Variants in NRXN3 observed in about 807,000 individuals in gnomAD.
NRXN3 encodes neurexin 3.
NRXN3 carries 32 observed loss-of-function variants against 137.6 expected under a neutral mutation model. The observed-to-expected ratio is 0.23, with a 90% CI of 0.18 to 0.31. NRXN3 has a LOEUF of 0.31. NRXN3 is among the 10% of genes least tolerant of loss of function. The pLI is 1.00. For missense variants in NRXN3, 1,574 were observed against 2,062.5 expected (o/e 0.76, Z 4.59); for synonymous variants, 798 against 784.5 (o/e 1.02, Z -0.29).
chr14:78,234,504 T>C (rs1016577811), intron 1 of NRXN3, among the ~76,000 whole-genome samples: 6 of 152,188 alleles, frequency 3.9e-5, no homozygotes, highest in African/African-American at 1.4e-4. Context: ...GTAGCAGGTC[T>C]GAGATTTGAA....
rs923045258 is a variant in NRXN3, at chr14:78,423,452, A to G, written c.757+125592A>G. 2.0e-5 allele frequency among the ~76,000 whole-genome samples: 3 copies of G among 152,160 alleles called. No homozygotes were observed. The South Asian group carries it at 6.2e-4, about 31-fold the overall frequency. ...CTCCTCCAACCTTCCACTGCCCGGTACATTATTTTGGAAATTTGAGCAGAG... is the reference window on the plus strand; with the variant it reads ...CTCCTCCAACCTTCCACTGCCCGGTGCATTATTTTGGAAATTTGAGCAGAG... On this transcript the variant is annotated intron_variant, in intron 4 of 20. Coordinates refer to ENST00000335750, the MANE Select transcript of NRXN3 (RefSeq NM_001330195.2).
chr14:78,210,111 A>C (rs971276348), intron 1 of NRXN3, among the ~76,000 whole-genome samples: 2 of 152,246 alleles, frequency 1.3e-5, no homozygotes, highest in Non-Finnish European at 2.9e-5. Context: ...TAGTCCGTTC[A>C]GGCTGCTATA....
chr14:79,487,563 T>G (rs1200874000), intron 16 of NRXN3, among the ~76,000 whole-genome samples: 1 of 152,156 alleles, frequency 6.6e-6, no homozygotes, highest in African/African-American at 2.4e-5. Flanking sequence ...TCCTTTTTCT[T>G]CCTGTTTCCC....
At chr14:79,280,638 A>T in intron 15 of NRXN3, 2 of 1,182,578 alleles carry the variant, frequency 1.7e-6, no homozygotes, top group Non-Finnish European at 2.4e-6. Flanking sequence ...ATTTAAAAAA[A>T]ATGAATTTAA....
intron 1 of NRXN3, among the ~76,000 whole-genome samples, chr14:78,197,127 C>T (rs2061301932): frequency 6.6e-6 from 1 of 152,230 alleles, no homozygotes; most frequent in South Asian, 2.1e-4. Context: ...CCACCTCTTT[C>T]CTTTGAGCTC....
At chr14:78,317,523 C>T (rs1234757545) in intron 4 of NRXN3, among the ~76,000 whole-genome samples, 1 of 152,230 alleles carries the variant, frequency 6.6e-6, no homozygotes, top group Non-Finnish European at 1.5e-5. Context: ...CTCCTCCCCT[C>T]TTCTGCTTTC....
intron 6 of NRXN3, among the ~76,000 whole-genome samples, chr14:78,659,312 CA>C (rs1485309862): frequency 1.3e-5 from 2 of 151,984 alleles, no homozygotes; most frequent in African/African-American, 2.4e-5. Context: ...TAAAGTCAAC[CA>C]GTCTGTGGTA....
At chr14:78,553,913 A>G (rs546191590) in intron 4 of NRXN3, among the ~76,000 whole-genome samples, 9 of 152,184 alleles carry the variant, frequency 5.9e-5, no homozygotes, top group South Asian at 2.1e-4. Context: ...AATGCAGCCT[A>G]CTTGTGATTT....
chr14:79,332,374 TCTC>T (rs1408180450), intron 15 of NRXN3, among the ~76,000 whole-genome samples: 1 of 152,166 alleles, frequency 6.6e-6, no homozygotes, highest in African/African-American at 2.4e-5. Flanking sequence ...CCCAGTCTCA[TCTC>T]CTACAACTCA....
chr14:78,417,637 G>A (rs2093215784), intron 4 of NRXN3, among the ~76,000 whole-genome samples: 1 of 152,148 alleles, frequency 6.6e-6, no homozygotes, highest in Non-Finnish European at 1.5e-5. Context: ...AAATGTTTGT[G>A]GTATTAGTAA....
intron 2 of NRXN3, among the ~76,000 whole-genome samples, chr14:78,248,440 A>G (rs1327269412): frequency 6.8e-6 from 1 of 146,878 alleles, no homozygotes; most frequent in African/African-American, 2.5e-5. Context: ...TTTTTTTTTT[A>G]TTGAGAATTT....
chr14:79,580,782 A>T (rs1378811097), intron 16 of NRXN3, among the ~76,000 whole-genome samples: 1 of 152,188 alleles, frequency 6.6e-6, no homozygotes, highest in Non-Finnish European at 1.5e-5. Context: ...AGTGGGGAAA[A>T]GAAAACAAAA....
chr14:79,187,396 G>C (rs79971585), intron 15 of NRXN3, among the ~76,000 whole-genome samples: 1,955 of 152,246 alleles, frequency 0.013, 40 homozygotes, highest in African/African-American at 0.045. Context: ...GAGGTAGAAA[G>C]TATTGTTATC....
At chr14:78,317,683 A>G (rs960039966) in intron 4 of NRXN3, among the ~76,000 whole-genome samples, 20 of 152,164 alleles carry the variant, frequency 1.3e-4, no homozygotes, top group Non-Finnish European at 2.9e-4. Context: ...TGCGAATCCC[A>G]TTTAGAAATA....
chr14:78,293,640 C>T (rs188521946), intron 3 of NRXN3, among the ~76,000 whole-genome samples: 1 of 152,284 alleles, frequency 6.6e-6, no homozygotes, highest in Admixed American at 6.5e-5. Flanking sequence ...TCTCTTTCCC[C>T]CTGATCCATC....
intron 3 of NRXN3, among the ~76,000 whole-genome samples, chr14:78,296,134 T>C (rs1043585686): frequency 6.6e-6 from 1 of 150,750 alleles, no homozygotes; most frequent in Admixed American, 6.6e-5. Context: ...TCATAGCTCA[T>C]TGTAGCCTCA....
chr14:78,814,327 A>G (rs972571822), intron 10 of NRXN3, among the ~76,000 whole-genome samples: 2 of 152,198 alleles, frequency 1.3e-5, no homozygotes, highest in African/African-American at 4.8e-5. Context: ...CTAAAGGAAA[A>G]CAGAACTGGC....
chr14:78,756,690 G>A (rs1192131609), intron 8 of NRXN3, among the ~76,000 whole-genome samples: 1 of 136,538 alleles, frequency 7.3e-6, no homozygotes, highest in Non-Finnish European at 1.5e-5. Flanking sequence ...AGCTGTACTT[G>A]GCAGCTGGTT....
chr14:78,955,001 A>G (rs1016135696), intron 10 of NRXN3, among the ~76,000 whole-genome samples: 1 of 151,946 alleles, frequency 6.6e-6, no homozygotes, highest in Non-Finnish European at 1.5e-5. Context: ...CCAAACTACT[A>G]TGTTTGTGTT....
Sources: gnomAD v4.1 joint callset for allele counts (sites outside exome capture counted in the v4.1 genomes callset) on GRCh38, gnomAD v4.1.1 for gene constraint, MANE v1.5 for transcripts, NCBI Gene and HGNC (gene_info 2026-07-23, HGNC 2026-07-21) for gene names.